The following ANKRD11 variants were observed in gnomAD, a reference collection of about 807,000 sequenced individuals.
ANKRD11 encodes ankyrin repeat domain 11, also known as ankyrin repeat domain-containing protein 11.
In ANKRD11, 17 loss-of-function variants were observed where a neutral mutation model predicts 195.7. The ratio of observed to expected loss-of-function variants is 0.09; its 90% CI spans 0.06 to 0.13. ANKRD11 has a LOEUF of 0.13. Ranked by LOEUF, ANKRD11 falls within the 10% of genes least tolerant of loss-of-function variation. ANKRD11 has a pLI of 1.00. For synonymous variants in ANKRD11, 1,953 were observed against 1,528.1 expected, an observed-to-expected ratio of 1.28 and a Z score of -6.49; for missense variants, 3,735 against 3,566.1, an observed-to-expected ratio of 1.05 and a Z score of -1.21.
intron 2 of ANKRD11, among the ~76,000 whole-genome samples, chr16:89,379,741 C>G (rs1597211501): frequency 6.6e-6 from 1 of 152,238 alleles, no homozygotes; most frequent in East Asian, 1.9e-4. Context: ...CGTGTTGGTT[C>G]TTGTGATTCA....
At chr16:89,455,411 A>AT (rs1197516049) in intron 1 of ANKRD11, among the ~76,000 whole-genome samples, 1 of 152,130 alleles carries the variant, frequency 6.6e-6, no homozygotes, top group Non-Finnish European at 1.5e-5. Flanking sequence ...ACATAGCTAT[A>AT]TAAGCTACTC....
chr16:89,274,657 G>A lies in ANKRD11; in HGVS notation c.7713+157C>T, dbSNP rs572997901. 5.7e-5 allele frequency: 65 copies of A among 1,140,254 alleles called. No individual in the cohort carries two copies. In the South Asian group the frequency reaches 7.6e-4, roughly 13 times the overall value. 70.6% of individuals were successfully genotyped at this position (1,140,254 alleles called of 1,614,324 possible). ...CCTTCTTGGCTCCTTTCTGAGGCTC[G>A]CCCAAGGCTAGAGGCATGCAAAGGA... On this transcript the variant is annotated intron_variant, in intron 11 of 12. Coordinates refer to ENST00000301030, the MANE Select transcript of ANKRD11 (RefSeq NM_013275.6).
rs867977302 is a variant in ANKRD11, at chr16:89,288,827, C to G, written c.602-157G>C. ...GCAGTTTAGGGAAGCAGGTGCTGGC[C>G]CAGAGAACCCCTAAATTCTCTTTAC... On this transcript the variant is annotated intron_variant, in intron 6 of 12. Transcript: ENST00000301030. 19 of 931,956 alleles carry G rather than the reference C, an allele frequency of 2.0e-5. No homozygotes were observed. The East Asian group carries it at 2.6e-4, about 13-fold the overall frequency. 57.7% of individuals were successfully genotyped at this position (931,956 alleles called of 1,614,324 possible).
rs1397713991 is a variant in ANKRD11 at position 89,290,598 on chromosome 16, GGCCCTT to G, written c.601+21_601+26del. On this transcript the variant is annotated intron_variant, in intron 6 of 12. Coordinates refer to ENST00000301030, the MANE Select transcript of ANKRD11 (RefSeq NM_013275.6). ...GCTCAGGGCTCCAGTGGGGCTCTCT[GGCCCTT>G]GCCAGGCACAGGGTGCCCACCTGCG... 1.9e-6 allele frequency: 3 copies of G among 1,608,396 alleles called. No individual in the cohort carries two copies. The African/African-American group carries it at 4.0e-5, about 21-fold the overall frequency.
intron 1 of ANKRD11, 190 bp from the exon 2 acceptor site, chr16:89,418,558 T>A: frequency 4.4e-6 from 1 of 226,284 alleles, no homozygotes; most frequent in South Asian, 5.5e-5. Flanking sequence ...TACCTTTACG[T>A]CACAATGCAG....
chr16:89,417,573 C>T (rs1294231665), intron 2 of ANKRD11, among the ~76,000 whole-genome samples: 6 of 152,116 alleles, frequency 3.9e-5, no homozygotes, highest in East Asian at 1.9e-4. Flanking sequence ...TCAGGGCTGG[C>T]GAACCAGGCT....
At chr16:89,488,148 GA>G (rs950149295) in intron 1 of ANKRD11, among the ~76,000 whole-genome samples, 6 of 152,086 alleles carry the variant, frequency 3.9e-5, no homozygotes, top group Admixed American at 1.3e-4. Flanking sequence ...TAGAACAGAA[GA>G]AAAAAACTGC....
At chr16:89,326,431 C>T (rs528166638) in intron 2 of ANKRD11, among the ~76,000 whole-genome samples, 20 of 152,094 alleles carry the variant, frequency 1.3e-4, no homozygotes, top group African/African-American at 4.8e-4. Context: ...CACCCACCCA[C>T]TGCTCAATCT....
intron 2 of ANKRD11, among the ~76,000 whole-genome samples, chr16:89,334,153 A>AC (rs1161375553): frequency 5.2e-5 from 7 of 134,828 alleles, no homozygotes; most frequent in Non-Finnish European, 1.1e-4. Flanking sequence ...TTAAAAAAAA[A>AC]AAAAAAAAAA....
chr16:89,443,672 C>G (rs2043636090), intron 1 of ANKRD11, among the ~76,000 whole-genome samples: 1 of 152,192 alleles, frequency 6.6e-6, no homozygotes, highest in Non-Finnish European at 1.5e-5. Context: ...CCTTTTCAAC[C>G]AGTTTTTGCA....
At chr16:89,471,296 C>G (rs2152350614) in intron 1 of ANKRD11, among the ~76,000 whole-genome samples, 1 of 152,320 alleles carries the variant, frequency 6.6e-6, no homozygotes, top group East Asian at 1.9e-4. Context: ...TTTCGAGGAA[C>G]TGTGTGCAAA....
At chr16:89,400,902 C>T (rs1249782739) in intron 2 of ANKRD11, among the ~76,000 whole-genome samples, 1 of 152,156 alleles carries the variant, frequency 6.6e-6, no homozygotes, top group African/African-American at 2.4e-5. Flanking sequence ...CGCCCTCCAC[C>T]CTCTGCAGAC....
intron 2 of ANKRD11, among the ~76,000 whole-genome samples, chr16:89,344,595 A>ACCC (rs2038850251): frequency 6.6e-6 from 1 of 152,234 alleles, no homozygotes; most frequent in Non-Finnish European, 1.5e-5. Flanking sequence ...TAAGCCCACA[A>ACCC]TGCAAGCGTC....
chr16:89,310,964 C>T (rs1195219332), intron 3 of ANKRD11, among the ~76,000 whole-genome samples: 1 of 152,172 alleles, frequency 6.6e-6, no homozygotes, highest in Non-Finnish European at 1.5e-5. Flanking sequence ...GTTTCTTTGT[C>T]TGTTCTCAAT....
In ANKRD11 at chr16:89,291,146, C is replaced by T. The variant is rs367886863; in HGVS notation, c.264G>A (p.Glu88=). 1.1e-5 allele frequency: 17 copies of T among 1,613,912 alleles called. No homozygotes were observed. In the African/African-American group the frequency reaches 1.6e-4, roughly 15 times the overall value. ...QGPERKRIKK[E]PVTRKAGLLF... ...GCAGCCCGGCCTTCCGGGTGACAGG[C>T]TCCTTCTTAATCCTCTTCCGCTCAG... Residue 88 remains glutamate (E), a synonymous_variant, in exon 5 of 13, where the codon GAG becomes GAA. Coordinates refer to ENST00000301030, the MANE Select transcript of ANKRD11 (RefSeq NM_013275.6). This position sits in a 1 kb window ranked among gnomAD's most constrained non-coding sequence, Gnocchi z 5.3.
intron 2 of ANKRD11, among the ~76,000 whole-genome samples, chr16:89,382,337 T>TATATATATA (rs200805935): frequency 1.4e-4 from 21 of 149,682 alleles, no homozygotes; most frequent in African/African-American, 5.3e-4. Flanking sequence ...ATATATATAT[T>TATATATATA]TTTTTAAAGA....
Position 89,439,024 on chromosome 16 carries a change from T to G in ANKRD11, c.-144-20656A>C, listed in dbSNP as rs186059714. 7.3e-5 allele frequency among the ~76,000 whole-genome samples: 11 copies of G among 151,534 alleles called. No homozygotes were observed. The East Asian group carries it at 2.1e-3, about 29-fold the overall frequency. ...AACAGAAACAAAAACAAACAAAAAT[T>G]TTAACCTTTCTCTTAAAAAAAACAA... is the stretch of plus-strand genomic sequence containing the variant. On this transcript the variant is annotated intron_variant, in intron 1 of 12. Transcript: ENST00000301030.
intron 2 of ANKRD11, among the ~76,000 whole-genome samples, chr16:89,337,150 T>C (rs2038404036): frequency 6.6e-6 from 1 of 151,578 alleles, no homozygotes; most frequent in African/African-American, 2.4e-5. Context: ...CACACCACTC[T>C]ACTCCACCCT....
chr16:89,478,188 C>T (rs1351332265), intron 1 of ANKRD11, among the ~76,000 whole-genome samples: 2 of 152,178 alleles, frequency 1.3e-5, no homozygotes, highest in African/African-American at 4.8e-5. Context: ...AGCTGCCTCG[C>T]CAGCAGCACA....
Sources: gnomAD v4.1 joint callset for allele counts (sites outside exome capture counted in the v4.1 genomes callset) on GRCh38, gnomAD v4.1.1 for gene constraint, Gnocchi (gnomAD v3.1) non-coding constraint, MANE v1.5 for transcripts, NCBI Gene and HGNC (gene_info 2026-07-23, HGNC 2026-07-21) for gene names.